FYN: variants seen among roughly 807,000 people sequenced by gnomAD.
FYN encodes FYN proto-oncogene, Src family tyrosine kinase.
A neutral mutation model predicts 70.2 loss-of-function variants in FYN; 10 were observed. That is an observed-to-expected ratio of 0.14 (90% confidence interval 0.09 to 0.24). The LOEUF (loss-of-function observed/expected upper bound fraction) is 0.24. Ranked by LOEUF, FYN falls within the 10% of genes least tolerant of loss-of-function variation. The pLI, the probability that FYN is intolerant of heterozygous loss-of-function variation, is 1.00. For missense variants in FYN, 319 were observed against 673.1 expected (o/e 0.47, Z 5.82); for synonymous variants, 236 against 248.6 (o/e 0.95, Z 0.48).
At chr6:111,748,234 T>C (rs568343105) in intron 3 of FYN, among the ~76,000 whole-genome samples, 1 of 152,338 alleles carries the variant, frequency 6.6e-6, no homozygotes, top group Non-Finnish European at 1.5e-5. Flanking sequence ...TTCATTCTGA[T>C]AGCAGTTATA....
chr6:111,726,568 A>T (rs1267778275), intron 3 of FYN, among the ~76,000 whole-genome samples: 1 of 152,180 alleles, frequency 6.6e-6, no homozygotes, highest in Non-Finnish European at 1.5e-5. Flanking sequence ...CAACACACAG[A>T]GTCTCTATAC....
intron 1 of FYN, among the ~76,000 whole-genome samples, chr6:111,851,399 A>G (rs1469917205): frequency 6.6e-6 from 1 of 152,252 alleles, no homozygotes; most frequent in Non-Finnish European, 1.5e-5. Flanking sequence ...TTGTATGAAC[A>G]TACAAATTTC....
intron 1 of FYN, among the ~76,000 whole-genome samples, chr6:111,848,018 A>G (rs1037517184): frequency 6.6e-6 from 1 of 152,242 alleles, no homozygotes; most frequent in Non-Finnish European, 1.5e-5. Flanking sequence ...TGGCTAACCC[A>G]CTAGGGATCT....
intron 2 of FYN, among the ~76,000 whole-genome samples, chr6:111,844,337 C>T (rs1056199764): frequency 4.6e-5 from 7 of 152,214 alleles, no homozygotes; most frequent in Admixed American, 4.6e-4. Context: ...GTAACTTTGG[C>T]AATTTTTCTC....
chr6:111,694,154 A>C lies in FYN; in HGVS notation c.1273+221T>G, dbSNP rs1287220225. The stretch of plus-strand genomic sequence containing the variant: ...CAGCAGCAAATACCAATACCCACCC[A>C]CCCACCAAAAACCAATATCTCATCC... On this transcript the variant is annotated intron_variant, in intron 12 of 13. Coordinates refer to ENST00000354650, the MANE Select transcript of FYN (RefSeq NM_002037.5). The surrounding 1 kb of genome is among the most constrained non-coding windows in gnomAD (Gnocchi z 5.0). 2.6e-5 allele frequency among the ~76,000 whole-genome samples: 4 copies of C among 151,968 alleles called. No homozygotes were observed. The highest frequency in any genetic ancestry group is 4.4e-5 in the Non-Finnish European group (3 of 67,996).
intron 12 of FYN, among the ~76,000 whole-genome samples, chr6:111,686,325 G>A (rs1314319949): frequency 6.6e-6 from 1 of 152,108 alleles, no homozygotes; most frequent in Non-Finnish European, 1.5e-5. Flanking sequence ...ACTCGGATCC[G>A]GGAAGCTTGA....
At chr6:111,723,730 T>C (rs1031432395) in intron 3 of FYN, among the ~76,000 whole-genome samples, 3 of 152,242 alleles carry the variant, frequency 2.0e-5, no homozygotes, top group South Asian at 2.1e-4. Flanking sequence ...TGATCATTCA[T>C]GCTAAAATAA....
intron 3 of FYN, among the ~76,000 whole-genome samples, chr6:111,758,107 C>T (rs187458886): frequency 8.7e-4 from 133 of 152,238 alleles, no homozygotes; most frequent in Non-Finnish European, 1.5e-3. Flanking sequence ...AAGCCTAACT[C>T]ACTGGAAACA....
chr6:111,702,563 C>T (rs1325028824), intron 8 of FYN: 1 of 208,664 alleles, frequency 4.8e-6, no homozygotes, highest in Non-Finnish European at 9.5e-6. Context: ...ACTGCTTTCT[C>T]ACATGCAACG....
chr6:111,810,418 G>A (rs1309015427), intron 2 of FYN, among the ~76,000 whole-genome samples: 1 of 152,128 alleles, frequency 6.6e-6, no homozygotes, highest in East Asian at 1.9e-4. Flanking sequence ...TGTCGGTCTG[G>A]TAAAAATACT....
intron 3 of FYN, among the ~76,000 whole-genome samples, chr6:111,733,459 T>C (rs946767251): frequency 3.3e-5 from 5 of 152,218 alleles, no homozygotes; most frequent in African/African-American, 1.2e-4. Flanking sequence ...GCTTAGCATT[T>C]GTTCCCAAGT....
chr6:111,721,131 G>C (rs1351508980), intron 3 of FYN, among the ~76,000 whole-genome samples: 11 of 152,110 alleles, frequency 7.2e-5, no homozygotes, highest in Non-Finnish European at 1.5e-4. Flanking sequence ...TAGTTAATAA[G>C]GCACCGCTTC....
At position 111,674,247 on chromosome 6, in the gene FYN, G is replaced by C. The variant is rs57719251; in HGVS notation, c.1405+252C>G. On this transcript the variant is annotated intron_variant, in intron 13 of 13. Coordinates refer to ENST00000354650, the MANE Select transcript of FYN (RefSeq NM_002037.5). ...AGAGGAGAGATTCTATGAACTGGAG[G>C]GGGACTGAAGCATTTAGACCAGCTG... 5.2e-3 allele frequency among the ~76,000 whole-genome samples: 796 copies of C among 152,278 alleles called. 8 individuals carry two copies. The highest frequency in any genetic ancestry group is 0.018 in the African/African-American group (765 of 41,554).
chr6:111,706,234 G>GC (rs1222016997), intron 6 of FYN, among the ~76,000 whole-genome samples: 1 of 152,158 alleles, frequency 6.6e-6, no homozygotes, highest in Admixed American at 6.5e-5. Context: ...AGCAGCAGGT[G>GC]CCCCCAAAAC....
At chr6:111,671,141 T>C (rs936274355) in intron 13 of FYN, among the ~76,000 whole-genome samples, 1 of 152,230 alleles carries the variant, frequency 6.6e-6, no homozygotes, top group East Asian at 1.9e-4. Context: ...ATGTAACTTT[T>C]CTCTACCACC....
chr6:111,761,921 C>T (rs1317601639), intron 3 of FYN, among the ~76,000 whole-genome samples: 1 of 152,188 alleles, frequency 6.6e-6, no homozygotes, highest in Non-Finnish European at 1.5e-5. Context: ...GACTGCTCAG[C>T]AATCCCTGGT....
chr6:111,811,553 T>A (rs1305935601), intron 2 of FYN, among the ~76,000 whole-genome samples: 1 of 152,192 alleles, frequency 6.6e-6, no homozygotes, highest in Non-Finnish European at 1.5e-5. Flanking sequence ...CATTTTTGGG[T>A]GACTGCCCCA....
chr6:111,729,786 C>G (rs1801363784), intron 3 of FYN, among the ~76,000 whole-genome samples: 1 of 152,126 alleles, frequency 6.6e-6, no homozygotes, highest in Admixed American at 6.5e-5. Context: ...CTAGAAAACT[C>G]TTTGGAAGGA....
intron 3 of FYN, among the ~76,000 whole-genome samples, chr6:111,757,047 A>G (rs1320494905): frequency 6.6e-6 from 1 of 152,192 alleles, no homozygotes; most frequent in Non-Finnish European, 1.5e-5. Context: ...AAAAGATTGA[A>G]AAAGAACAAA....
Sources: allele counts gnomAD v4.1 joint callset (sites outside exome capture counted in the v4.1 genomes callset), GRCh38; gene constraint gnomAD v4.1.1; non-coding constraint Gnocchi (gnomAD v3.1); transcripts MANE v1.5; gene names NCBI Gene and HGNC (gene_info 2026-07-23, HGNC 2026-07-21).